The following ITGAL variants were observed in gnomAD, a reference collection of about 807,000 sequenced individuals.
The protein encoded by ITGAL is integrin subunit alpha L.
ITGAL carries 68 observed loss-of-function variants against 138.4 expected under a neutral mutation model. The ratio of observed to expected loss-of-function variants is 0.49; its 90% CI spans 0.40 to 0.60. ITGAL has a LOEUF of 0.60. Ranked by LOEUF, ITGAL falls within the 20% of genes least tolerant of loss-of-function variation. The pLI, the probability that ITGAL is intolerant of heterozygous loss-of-function variation, is 0.00. For missense variants in ITGAL, 1,256 were observed against 1,478.6 expected (o/e 0.85, Z 2.47); for synonymous variants, 561 against 584.3 (o/e 0.96, Z 0.57).
chr16:30,484,213 A>G lies in ITGAL; in HGVS notation c.956A>G (p.Lys319Arg), dbSNP rs2050603766. 6.2e-7 allele frequency: 1 copy of G among 1,614,160 alleles called. No homozygotes were observed. The highest frequency in any genetic ancestry group is 1.7e-5 in the Admixed American group (1 of 59,998). ...GTGAAAATTCTGGACACATTTGAGA[A>G]GCTGAAAGATCTATTCACTGAGCTG... ...EFVKILDTFEKLKDLFTELQK... is the reference protein window; with the variant it reads ...EFVKILDTFERLKDLFTELQK... Residue 319 changes from lysine to arginine, a missense_variant, in exon 9 of 31, where the codon AAG becomes AGG. By Grantham distance (26) the Lys-to-Arg change is conservative. Around this residue, in one of 3 missense-constraint regions of ITGAL, gnomAD observed 177 missense variants for 288.8 expected, o/e 0.61. Coordinates refer to ENST00000356798, the MANE Select transcript of ITGAL (RefSeq NM_002209.3).
intron 25 of ITGAL, among the ~76,000 whole-genome samples, chr16:30,516,237 T>A (rs2051164194): frequency 6.6e-6 from 1 of 151,934 alleles, no homozygotes; most frequent in Non-Finnish European, 1.5e-5. Flanking sequence ...CAGAAATTTT[T>A]TTTTTTTTTT....
chr16:30,518,908 T>C (rs917060536), intron 29 of ITGAL, among the ~76,000 whole-genome samples, 189 bp downstream of exon 29: 8 of 152,084 alleles, frequency 5.3e-5, no homozygotes. Context: ...GCCTGAGATG[T>C]AGTAGACTTA....
intron 15 of ITGAL, among the ~76,000 whole-genome samples, chr16:30,497,318 G>A (rs551138086): frequency 6.6e-6 from 1 of 151,572 alleles, no homozygotes; most frequent in East Asian, 2.0e-4. Flanking sequence ...ACTCCAGCCT[G>A]GGTGACAGAG....
intron 9 of ITGAL, among the ~76,000 whole-genome samples, chr16:30,487,569 C>T (rs2050666011): frequency 6.6e-6 from 1 of 151,878 alleles, no homozygotes; most frequent in Admixed American, 6.6e-5. Flanking sequence ...GCCACCACAC[C>T]CAGATAAATT....
chr16:30,481,143 AACACACACACACACACACACAC>A (rs60456127), intron 6 of ITGAL: 1 of 210,738 alleles, frequency 4.7e-6, no homozygotes, highest in East Asian at 1.5e-4. Context: ...CTCTACTAAA[AACACACACACACACACACACAC>A]ACACACACAC....
intron 26 of ITGAL, 114 bp from the exon 27 acceptor site, chr16:30,517,535 C>A: frequency 1.2e-6 from 1 of 822,924 alleles, no homozygotes; most frequent in South Asian, 1.4e-5. Flanking sequence ...TCCTGCTGGA[C>A]TCAGAGATGT....
chr16:30,483,402 G>A (rs560353715), intron 7 of ITGAL, among the ~76,000 whole-genome samples: 1 of 152,320 alleles, frequency 6.6e-6, no homozygotes, highest in South Asian at 2.1e-4. Context: ...GGCAGAGGAG[G>A]TGCTGGAAGA....
chr16:30,520,563 C>G (rs2051237420), intron 30 of ITGAL, among the ~76,000 whole-genome samples: 3 of 152,188 alleles, frequency 2.0e-5, no homozygotes, highest in Admixed American at 6.5e-5. Context: ...GGCTGCTGGG[C>G]ACTGTCCCAG....
At chr16:30,480,485 T>A (rs774540326) in intron 6 of ITGAL, 5 of 152,134 alleles carry the variant, frequency 3.3e-5, no homozygotes, top group Non-Finnish European at 7.3e-5. Flanking sequence ...CCCAGCCAAC[T>A]GTATCTAGTT....
rs149003816 is a variant in ITGAL at position 30,519,861 on chromosome 16, T to C, written c.3233T>C (p.Val1078Ala). The C allele has an allele frequency of 3.4e-4, 541 of 1,611,406 alleles. No homozygotes were observed. The highest frequency in any genetic ancestry group is 4.5e-4 in the Non-Finnish European group (531 of 1,177,684). The change falls in exon 30 of 31, where the codon GTC (valine) becomes GCC (alanine). Residue 1078 changes from valine to alanine, a missense_variant. Coordinates refer to ENST00000356798, the MANE Select transcript of ITGAL (RefSeq NM_002209.3). The stretch of plus-strand genomic sequence containing the variant: ...CTCCCCTCCCCCTGCTCCCAGGTTG[T>C]CATGAAGGTTGACGTGGTGTATGAG... ...YGSNASLAQV[V>A]MKVDVVYEKQ...
intron 4 of ITGAL, among the ~76,000 whole-genome samples, chr16:30,476,480 G>A (rs1463754202): frequency 6.6e-6 from 1 of 152,018 alleles, no homozygotes; most frequent in African/African-American, 2.4e-5. Context: ...TATATGACAA[G>A]CACATCAAAT....
At chr16:30,503,402 C>T (rs4243232) in intron 17 of ITGAL, among the ~76,000 whole-genome samples, 92,743 of 151,204 alleles carry the variant, frequency 0.61, 29,543 homozygotes, top group East Asian at 0.99. Context: ...TCACTCCAAG[C>T]TCTTAGGACA....
chr16:30,476,893 CAAA>C (rs2050479908), intron 4 of ITGAL, among the ~76,000 whole-genome samples: 1 of 152,118 alleles, frequency 6.6e-6, no homozygotes, highest in African/African-American at 2.4e-5. Flanking sequence ...CTCGGCCTCC[CAAA>C]ATGCTGGGAT....
rs1280477404 is a variant in ITGAL at position 30,510,913 on chromosome 16, A to G, written c.2652A>G (p.Val884=). Residue 884 remains valine, a synonymous_variant, in exon 23 of 31, where the codon GTA becomes GTG. Transcript: ENST00000356798. ...TGCAGATGATGTTTAATACACTGGT[A>G]AACAGCTCCTGGGGGGACTCGGTTG... ...VALQMMFNTL[V]NSSWGDSVEL... is the part of the protein sequence containing the mutation. The G allele has an allele frequency of 2.5e-6, 4 of 1,613,946 alleles. No homozygotes were observed. Among genetic ancestry groups the G allele is most frequent in the Non-Finnish European group, 3.4e-6 (4 of 1,180,010 alleles).
intron 15 of ITGAL, among the ~76,000 whole-genome samples, chr16:30,497,118 G>T (rs561050684): frequency 6.6e-6 from 1 of 152,252 alleles, no homozygotes; most frequent in African/African-American, 2.4e-5. Flanking sequence ...TCCGAGGCGG[G>T]CGGATCACGA....
At chr16:30,496,351 C>T (rs546748241) in intron 14 of ITGAL, 57 bp downstream of exon 14, 2 of 1,607,802 alleles carry the variant, frequency 1.2e-6, no homozygotes. Flanking sequence ...AGCCCCCAAG[C>T]CCAGACCCCA....
chr16:30,519,061 A>G (rs1049504020), intron 29 of ITGAL, among the ~76,000 whole-genome samples: 1 of 152,060 alleles, frequency 6.6e-6, no homozygotes. Context: ...CCATCTCTAC[A>G]AAAATACAAA....
At chr16:30,502,122 G>A (rs887982463) in intron 17 of ITGAL, among the ~76,000 whole-genome samples, 8 of 152,180 alleles carry the variant, frequency 5.3e-5, no homozygotes, top group African/African-American at 1.9e-4. Context: ...ATATGGCCGG[G>A]CGCGGTGGCT....
Position 30,506,786 on chromosome 16 carries a change from A to T in ITGAL, c.2438A>T (p.Asp813Val), listed in dbSNP as rs2051005722. The T allele has an allele frequency of 6.2e-7, 1 of 1,613,826 alleles. No individual in the cohort carries two copies. The highest frequency in any genetic ancestry group is 8.5e-7 in the Non-Finnish European group (1 of 1,179,888). ...CTGAGCCTGAGTAACTTGGAAGAAG[A>T]TGCTTACTGGGTCCAGCTGGACCTG... ...VELSLSNLEE[D>V]AYWVQLDLHF... is the part of the protein sequence containing the mutation. Residue 813 changes from aspartate (D) to valine (V), a missense_variant, in exon 21 of 31, where the codon GAT becomes GTT. This residue lies in a region of ITGAL where 867 missense variants were observed against 972.5 expected (regional missense o/e 0.89). Coordinates refer to ENST00000356798, the MANE Select transcript of ITGAL (RefSeq NM_002209.3).
Sources: allele counts gnomAD v4.1 joint callset (sites outside exome capture counted in the v4.1 genomes callset), GRCh38; gene constraint gnomAD v4.1.1; regional missense constraint gnomAD v4.1.1; transcripts MANE v1.5; gene names NCBI Gene and HGNC (gene_info 2026-07-23, HGNC 2026-07-21).